TYW1: variants seen among roughly 807,000 people sequenced by gnomAD.
The protein encoded by TYW1 is tRNA-yW synthesizing protein 1 homolog.
TYW1 carries 46 observed loss-of-function variants against 96.2 expected under a neutral mutation model. That is an observed-to-expected ratio of 0.48 (90% CI 0.38 to 0.61). The LOEUF (loss-of-function observed/expected upper bound fraction) is 0.61. Ranked by LOEUF, TYW1 falls within the 20% of genes least tolerant of loss-of-function variation. The probability of loss-of-function intolerance (pLI) is 0.00; values close to 1 mark genes in which losing one functional copy is unlikely to be tolerated. For synonymous variants in TYW1, 274 were observed against 323.0 expected, an observed-to-expected ratio of 0.85 and a Z score of 1.63; for missense variants, 684 against 909.6, an observed-to-expected ratio of 0.75 and a Z score of 3.19.
intron 9 of TYW1, 138 bp from the exon 10 acceptor site, chr7:67,067,147 A>T: frequency 2.0e-6 from 2 of 981,346 alleles, no homozygotes; most frequent in Middle Eastern, 2.5e-4. Context: ...TCTGATGCGA[A>T]TTTCCTGCGT....
chr7:67,080,241 C>G (rs1372368186), intron 10 of TYW1, among the ~76,000 whole-genome samples: 2 of 152,110 alleles, frequency 1.3e-5, no homozygotes, highest in African/African-American at 2.4e-5. Flanking sequence ...TGCTTTATAT[C>G]TCAGTGCTCC....
At chr7:67,028,985 T>C (rs1425651673) in intron 7 of TYW1, among the ~76,000 whole-genome samples, 1 of 152,106 alleles carries the variant, frequency 6.6e-6, no homozygotes, top group Non-Finnish European at 1.5e-5. Flanking sequence ...TGGATTTTAT[T>C]TGGACGCTGA....
intron 4 of TYW1, 161 bp downstream of exon 4, chr7:67,009,845 T>C (rs1220867437): frequency 4.3e-6 from 3 of 703,812 alleles, no homozygotes; most frequent in Non-Finnish European, 6.8e-6. Flanking sequence ...GAGAATTGAA[T>C]GTGGGGTAAG....
At chr7:67,226,445 C>A (rs184763352) in intron 15 of TYW1, among the ~76,000 whole-genome samples, 96 of 152,244 alleles carry the variant, frequency 6.3e-4, no homozygotes, top group African/African-American at 2.2e-3. Flanking sequence ...CCACCCAGCT[C>A]GATAAACTGG....
chr7:67,077,353 A>G (rs906520997), intron 10 of TYW1, among the ~76,000 whole-genome samples: 3 of 152,342 alleles, frequency 2.0e-5, no homozygotes, highest in Middle Eastern at 3.4e-3. Context: ...GGTAGTTTAC[A>G]TTGCCAACAA....
intron 15 of TYW1, among the ~76,000 whole-genome samples, chr7:67,236,448 C>T (rs1801894081): frequency 6.6e-6 from 1 of 152,284 alleles, no homozygotes. Context: ...CAGGGAGAAT[C>T]GATGGAGGTG....
chr7:67,204,482 TCCTC>T (rs987561243), intron 15 of TYW1, among the ~76,000 whole-genome samples: 4 of 150,230 alleles, frequency 2.7e-5, no homozygotes, highest in Admixed American at 6.6e-5. Flanking sequence ...CTTCCTTCCT[TCCTC>T]CCTCCCTTCC....
At chr7:67,135,785 G>A (rs1046143277) in intron 13 of TYW1, among the ~76,000 whole-genome samples, 6 of 152,132 alleles carry the variant, frequency 3.9e-5, no homozygotes, top group Non-Finnish European at 8.8e-5. Context: ...GACCTGGAAA[G>A]CCAGTCACTG....
At chr7:67,185,793 G>A (rs1296033172) in intron 14 of TYW1, among the ~76,000 whole-genome samples, 2 of 152,164 alleles carry the variant, frequency 1.3e-5, no homozygotes, top group Non-Finnish European at 2.9e-5. Context: ...TTGTCCACAA[G>A]ACAAGAGAAG....
At chr7:67,136,145 G>C (rs937628832) in intron 13 of TYW1, among the ~76,000 whole-genome samples, 1 of 152,106 alleles carries the variant, frequency 6.6e-6, no homozygotes, top group Admixed American at 6.5e-5. Flanking sequence ...GGAGGTGATC[G>C]TGTGTGGGAA....
At chr7:67,109,850 T>A (rs6954526) in intron 12 of TYW1, among the ~76,000 whole-genome samples, 44,713 of 151,982 alleles carry the variant, frequency 0.29, 7,346 homozygotes, top group African/African-American at 0.44. Context: ...ATTGCACCCC[T>A]GCCTGGGGGA....
At chr7:67,084,460 A>T (rs187115276) in intron 11 of TYW1, among the ~76,000 whole-genome samples, 115 of 151,934 alleles carry the variant, frequency 7.6e-4, no homozygotes, top group African/African-American at 2.7e-3. Flanking sequence ...TAAAACACAG[A>T]TTGTTGGTTT....
intron 11 of TYW1, among the ~76,000 whole-genome samples, chr7:67,086,630 C>G (rs1796555399): frequency 6.6e-6 from 1 of 152,142 alleles, no homozygotes; most frequent in African/African-American, 2.4e-5. Context: ...AGGCATTATC[C>G]TGGCAGAATT....
chr7:67,116,424 G>A (rs750256269), intron 12 of TYW1, among the ~76,000 whole-genome samples: 1 of 152,034 alleles, frequency 6.6e-6, no homozygotes, highest in Non-Finnish European at 1.5e-5. Flanking sequence ...AGTGGCTCAC[G>A]CCTCTAATTC....
At chr7:67,222,691 A>C (rs972730164) in intron 15 of TYW1, among the ~76,000 whole-genome samples, 1 of 151,530 alleles carries the variant, frequency 6.6e-6, no homozygotes, top group African/African-American at 2.4e-5. Flanking sequence ...GAGTTCCTTG[A>C]ACTTCTTCAA....
chr7:67,061,633 C>G (rs1021703598), intron 9 of TYW1, among the ~76,000 whole-genome samples: 1 of 152,114 alleles, frequency 6.6e-6, no homozygotes, highest in Non-Finnish European at 1.5e-5. Context: ...ACATTTCAGC[C>G]AAAGCCTTGG....
intron 14 of TYW1, among the ~76,000 whole-genome samples, chr7:67,192,653 A>G (rs557597237): frequency 2.6e-5 from 4 of 152,306 alleles, no homozygotes; most frequent in East Asian, 3.9e-4. Context: ...GTCTTGAACC[A>G]TATCATTATT....
rs528608309 is a variant in TYW1 at position 67,064,767 on chromosome 7, A to G, written c.1156-2518A>G. Among the ~76,000 whole-genome samples, 15 of 152,290 alleles carry G rather than the reference A, an allele frequency of 9.8e-5. No homozygotes were observed. In the South Asian group the frequency reaches 1.0e-3, roughly 11 times the overall value. On this transcript the variant is annotated intron_variant, in intron 9 of 15. Coordinates refer to ENST00000359626, the MANE Select transcript of TYW1 (RefSeq NM_018264.4). Reference sequence around the variant, plus strand: ...AATTCAAGTTGACATTTGAGTGGGGACACAGCCAAACCATTTCAAGTTCCA... The same window carrying G: ...AATTCAAGTTGACATTTGAGTGGGGGCACAGCCAAACCATTTCAAGTTCCA...
chr7:67,048,360 G>T (rs1329335978), intron 7 of TYW1, among the ~76,000 whole-genome samples: 2 of 150,872 alleles, frequency 1.3e-5, no homozygotes, highest in Non-Finnish European at 2.9e-5. Context: ...GGGACCAAGG[G>T]TGGGCTGGGG....
Sources: gnomAD v4.1 joint callset for allele counts (sites outside exome capture counted in the v4.1 genomes callset) on GRCh38, gnomAD v4.1.1 for gene constraint, MANE v1.5 for transcripts, NCBI Gene and HGNC (gene_info 2026-07-23, HGNC 2026-07-21) for gene names.